DCDC1: variants seen among roughly 807,000 people sequenced by gnomAD.
The protein encoded by DCDC1 is doublecortin domain containing 1, also known as doublecortin domain-containing protein 1.
A neutral mutation model predicts 178.3 loss-of-function variants in DCDC1; 200 were observed. That is an observed-to-expected ratio of 1.12 (90% CI 1.00 to 1.26). DCDC1 has a LOEUF of 1.26. Ranked by LOEUF, DCDC1 falls within the 50% of genes most tolerant of loss-of-function variation. DCDC1 has a pLI of 0.00. For missense variants in DCDC1, 1,983 were observed against 1,749.2 expected, an observed-to-expected ratio of 1.13 and a Z score of -2.38; for synonymous variants, 690 against 604.8, an observed-to-expected ratio of 1.14 and a Z score of -2.07.
chr11:30,949,998 TATA>T (rs983938669), intron 21 of DCDC1, among the ~76,000 whole-genome samples: 1 of 152,004 alleles, frequency 6.6e-6, no homozygotes, highest in Non-Finnish European at 1.5e-5. Flanking sequence ...GAACTTAAAG[TATA>T]ATAATAAAAA....
chr11:31,367,423 G>C (rs1952018662), intron 1 of DCDC1, among the ~76,000 whole-genome samples: 1 of 152,158 alleles, frequency 6.6e-6, no homozygotes, highest in African/African-American at 2.4e-5. Context: ...ACAAAACCCT[G>C]TCTATGGGAC....
At chr11:30,953,674 C>T (rs982869992) in intron 20 of DCDC1, among the ~76,000 whole-genome samples, 1 of 152,066 alleles carries the variant, frequency 6.6e-6, no homozygotes, top group South Asian at 2.1e-4. Context: ...TTCAGTTTGG[C>T]AGTTCTTCAG....
At chr11:31,015,203 C>A (rs986547061) in intron 20 of DCDC1, among the ~76,000 whole-genome samples, 10 of 152,242 alleles carry the variant, frequency 6.6e-5, no homozygotes, top group Admixed American at 3.3e-4. Context: ...CAGCCTCGGC[C>A]TCCCAAAGTG....
rs143322984 is a variant in DCDC1 at position 30,873,565 on chromosome 11, C to T, written c.*40+4979G>A. Reference sequence around the variant, plus strand: ...TCATTTTTCTAAGAGAATTTGTTACCGAACTGAAATAACGTCCTGTGGATT... The same window carrying T: ...TCATTTTTCTAAGAGAATTTGTTACTGAACTGAAATAACGTCCTGTGGATT... On this transcript the variant is annotated intron_variant, in intron 38 of 38. Coordinates refer to ENST00000684477, the MANE Select transcript of DCDC1 (RefSeq NM_001387274.1). 5.1e-3 allele frequency among the ~76,000 whole-genome samples: 772 copies of T among 152,058 alleles called. 5 individuals carry two copies. Among genetic ancestry groups the T allele is most frequent in the Non-Finnish European group, 8.8e-3 (600 of 67,984 alleles).
intron 38 of DCDC1, among the ~76,000 whole-genome samples, chr11:30,875,835 A>T (rs190396586): frequency 2.0e-5 from 3 of 152,312 alleles, no homozygotes; most frequent in Admixed American, 6.5e-5. Flanking sequence ...TTGCATTTTG[A>T]ATCATTACTA....
At chr11:31,054,155 C>T (rs1160914987) in intron 20 of DCDC1, among the ~76,000 whole-genome samples, 2 of 150,804 alleles carry the variant, frequency 1.3e-5, no homozygotes. Context: ...GTACACAAAT[C>T]AGTAGCTCTT....
chr11:31,112,944 G>A (rs1251734933), intron 11 of DCDC1, among the ~76,000 whole-genome samples: 1 of 152,132 alleles, frequency 6.6e-6, no homozygotes, highest in African/African-American at 2.4e-5. Context: ...TGTTTACCCT[G>A]TGCTGGACTA....
chr11:31,085,829 T>A (rs1363086759), intron 17 of DCDC1, among the ~76,000 whole-genome samples: 1 of 152,128 alleles, frequency 6.6e-6, no homozygotes, highest in African/African-American at 2.4e-5. Flanking sequence ...TGCCACAGCC[T>A]CCTGAGTAGG....
chr11:31,269,794 C>G (rs1391436626), intron 7 of DCDC1, among the ~76,000 whole-genome samples: 5 of 152,132 alleles, frequency 3.3e-5, no homozygotes, highest in African/African-American at 1.2e-4. Context: ...AAAAAATATT[C>G]CACAATGTTT....
intron 20 of DCDC1, among the ~76,000 whole-genome samples, chr11:31,030,681 G>T (rs1040687870): frequency 6.6e-6 from 1 of 152,080 alleles, no homozygotes. Context: ...ACGGCTTTGC[G>T]GATGTCTGCC....
At chr11:31,327,889 G>A (rs1235999335) in intron 3 of DCDC1, among the ~76,000 whole-genome samples, 2 of 151,666 alleles carry the variant, frequency 1.3e-5, no homozygotes, top group Non-Finnish European at 2.9e-5. Context: ...GACCATGTCC[G>A]GCTAATTTTT....
intron 20 of DCDC1, among the ~76,000 whole-genome samples, chr11:31,048,589 C>T (rs1955018449): frequency 6.6e-6 from 1 of 152,116 alleles, no homozygotes; most frequent in African/African-American, 2.4e-5. Context: ...CGCGGTGGCT[C>T]ATGCCTGTAA....
At chr11:31,211,528 G>C (rs1256106423) in intron 9 of DCDC1, among the ~76,000 whole-genome samples, 2 of 152,116 alleles carry the variant, frequency 1.3e-5, no homozygotes, top group Non-Finnish European at 2.9e-5. Flanking sequence ...AATTAAACAT[G>C]CTTCCTGAAT....
At position 30,881,145 on chromosome 11, in the gene DCDC1, C is replaced by A. The variant is rs1168346339; in HGVS notation, c.5233+13G>T. On this transcript the variant is annotated intron_variant, in intron 37 of 38. Coordinates refer to ENST00000684477, the MANE Select transcript of DCDC1 (RefSeq NM_001387274.1). The stretch of plus-strand genomic sequence containing the variant: ...CTTCAAAGACTTGATGGAAAAGAAA[C>A]TATCATGCATACCTTTTGGGGTTTT... 1.2e-6 allele frequency: 2 copies of A among 1,611,910 alleles called. No individual in the cohort carries two copies. Among genetic ancestry groups the A allele is most frequent in the Non-Finnish European group, 1.7e-6 (2 of 1,178,928 alleles).
intron 20 of DCDC1, among the ~76,000 whole-genome samples, chr11:31,003,615 G>T (rs1260932914): frequency 2.0e-5 from 3 of 152,190 alleles, no homozygotes; most frequent in Non-Finnish European, 4.4e-5. Context: ...AAGGAGGAAA[G>T]ATTTCTAGTC....
intron 36 of DCDC1, among the ~76,000 whole-genome samples, chr11:30,889,096 C>A (rs1943556782): frequency 6.6e-6 from 1 of 152,154 alleles, no homozygotes; most frequent in Admixed American, 6.5e-5. Flanking sequence ...TTTTGAGATT[C>A]TGTAGAATTA....
intron 38 of DCDC1, among the ~76,000 whole-genome samples, chr11:30,872,841 T>C (rs1466496079): frequency 1.3e-5 from 2 of 152,042 alleles, no homozygotes; most frequent in Non-Finnish European, 2.9e-5. Context: ...TAACTATTTA[T>C]TGCACATAAT....
intron 20 of DCDC1, among the ~76,000 whole-genome samples, chr11:31,024,473 T>C (rs894122243): frequency 6.6e-6 from 1 of 151,978 alleles, no homozygotes; most frequent in Non-Finnish European, 1.5e-5. Flanking sequence ...AAAAGAATTA[T>C]ATGGAATGGA....
intron 20 of DCDC1, among the ~76,000 whole-genome samples, chr11:31,036,742 C>T (rs1263049003): frequency 2.6e-5 from 4 of 151,954 alleles, no homozygotes; most frequent in Non-Finnish European, 2.9e-5. Context: ...TTGGTTAAAC[C>T]CACTGATGCA....
Sources: gnomAD v4.1 joint callset for allele counts (sites outside exome capture counted in the v4.1 genomes callset) on GRCh38, gnomAD v4.1.1 for gene constraint, MANE v1.5 for transcripts, NCBI Gene and HGNC (gene_info 2026-07-23, HGNC 2026-07-21) for gene names.